The following LRP1B variants were observed in gnomAD, a reference collection of about 807,000 sequenced individuals.
LRP1B encodes the protein low-density lipoprotein receptor-related protein 1B.
LRP1B carries 217 observed loss-of-function variants against 556.6 expected under a neutral mutation model. That is an observed-to-expected ratio of 0.39 (90% CI 0.35 to 0.44). The LOEUF is 0.44. LRP1B is among the 20% of genes least tolerant of loss of function. The probability of loss-of-function intolerance (pLI) is 1.00; values close to 1 mark genes in which losing one functional copy is unlikely to be tolerated. For missense variants in LRP1B, 5,053 were observed against 5,620.8 expected (o/e 0.90, Z 3.23); for synonymous variants, 2,047 against 1,865.8 (o/e 1.10, Z -2.50).
chr2:141,469,686 T>C (rs1243711738), intron 3 of LRP1B, among the ~76,000 whole-genome samples: 1 of 152,220 alleles, frequency 6.6e-6, no homozygotes, highest in Non-Finnish European at 1.5e-5. Context: ...AAATCTCTTA[T>C]GAGCTTTCTC....
chr2:140,367,115 T>A (rs1682796972), intron 71 of LRP1B, among the ~76,000 whole-genome samples: 1 of 151,642 alleles, frequency 6.6e-6, no homozygotes, highest in African/African-American at 2.4e-5. Flanking sequence ...GGTGGCCAGA[T>A]GTTGAAAAAT....
At chr2:140,357,940 G>A (rs368212138) in intron 74 of LRP1B, 39 bp downstream of exon 74, 152 of 1,586,616 alleles carry the variant, frequency 9.6e-5, no homozygotes, top group Non-Finnish European at 2.1e-5. Flanking sequence ...AGTTAGACTT[G>A]TGTATCCCGG....
chr2:142,089,834 T>C (rs1322171566), intron 1 of LRP1B, among the ~76,000 whole-genome samples: 1 of 152,164 alleles, frequency 6.6e-6, no homozygotes, highest in Non-Finnish European at 1.5e-5. Context: ...TCATAACATG[T>C]TTAAGAATAT....
chr2:141,384,832 T>C (rs948769364), intron 3 of LRP1B, among the ~76,000 whole-genome samples: 3 of 152,204 alleles, frequency 2.0e-5, no homozygotes, highest in Non-Finnish European at 4.4e-5. Context: ...GCTATGTATC[T>C]TATTGAATGA....
At chr2:141,508,083 C>CA (rs1553523427) in intron 2 of LRP1B, among the ~76,000 whole-genome samples, 2 of 6,704 alleles carry the variant, frequency 3.0e-4, no homozygotes, top group Non-Finnish European at 0.015. Context: ...GAGACTCCAT[C>CA]CCCCCCCCAA....
At chr2:140,595,102 A>ATATATATATATATATCTATATC (rs1682383908) in intron 43 of LRP1B, among the ~76,000 whole-genome samples, 1 of 56,276 alleles carries the variant, frequency 1.8e-5, no homozygotes, top group African/African-American at 7.8e-5. Flanking sequence ...ATATATATAT[A>ATATATATATATATATCTATATC]TATATATATA....
intron 60 of LRP1B, among the ~76,000 whole-genome samples, chr2:140,457,882 T>C (rs1009601362): frequency 1.3e-5 from 2 of 152,014 alleles, no homozygotes; most frequent in Non-Finnish European, 2.9e-5. Flanking sequence ...GAAAAAAAAA[T>C]GAATGTGATT....
chr2:141,887,965 G>A (rs1699176198), intron 1 of LRP1B, among the ~76,000 whole-genome samples: 1 of 152,172 alleles, frequency 6.6e-6, no homozygotes, highest in African/African-American at 2.4e-5. Flanking sequence ...AAAAACTAAA[G>A]ATGATTTCCC....
At position 140,498,967 on chromosome 2, in the gene LRP1B, C is replaced by T. The variant is rs142537455; in HGVS notation, c.8850+2720G>A. ...TAACTAGCTTTTACATGTTTACATA[C>T]TTAAAAACATCATAGCAATTCTGTC... is the stretch of plus-strand genomic sequence containing the variant. On this transcript the variant is annotated intron_variant, in intron 55 of 90. Coordinates refer to ENST00000389484, the MANE Select transcript of LRP1B (RefSeq NM_018557.3). Among the ~76,000 whole-genome samples, 300 of 151,968 alleles carry T rather than the reference C, an allele frequency of 2.0e-3. 2 individuals carry two copies. The highest frequency in any genetic ancestry group is 4.1e-3 in the Admixed American group (62 of 15,218).
At chr2:141,113,074 C>T (rs1700795156) in intron 7 of LRP1B, among the ~76,000 whole-genome samples, 2 of 152,114 alleles carry the variant, frequency 1.3e-5, no homozygotes, top group South Asian at 4.1e-4. Flanking sequence ...CAAACCTTCT[C>T]TCTATAAAGT....
chr2:141,356,787 T>C (rs935395617), intron 3 of LRP1B, among the ~76,000 whole-genome samples: 1 of 152,116 alleles, frequency 6.6e-6, no homozygotes, highest in Non-Finnish European at 1.5e-5. Context: ...GAATATTGCA[T>C]AGCCAAAGGT....
At chr2:140,752,948 C>G (rs1280919677) in intron 35 of LRP1B, among the ~76,000 whole-genome samples, 1 of 152,136 alleles carries the variant, frequency 6.6e-6, no homozygotes, top group Non-Finnish European at 1.5e-5. Flanking sequence ...TGTGTTTTGA[C>G]AAATGTATAA....
At chr2:140,617,761 T>C (rs1683308489) in intron 41 of LRP1B, among the ~76,000 whole-genome samples, 1 of 151,978 alleles carries the variant, frequency 6.6e-6, no homozygotes, top group Admixed American at 6.6e-5. Context: ...AAAAAGTAAG[T>C]TCTATTTTGA....
intron 1 of LRP1B, among the ~76,000 whole-genome samples, chr2:142,050,613 G>C (rs950493323): frequency 6.6e-6 from 1 of 152,030 alleles, no homozygotes; most frequent in African/African-American, 2.4e-5. Flanking sequence ...TTACCTTAAA[G>C]AGAATATTTA....
chr2:141,797,705 A>AC (rs1489444611), intron 2 of LRP1B, among the ~76,000 whole-genome samples: 9 of 152,230 alleles, frequency 5.9e-5, no homozygotes, highest in African/African-American at 1.9e-4. Flanking sequence ...GTTCTGAAAA[A>AC]ATTTTGTTGT....
intron 20 of LRP1B, among the ~76,000 whole-genome samples, chr2:140,947,644 A>C (rs1695583535): frequency 6.6e-6 from 1 of 152,226 alleles, no homozygotes. Flanking sequence ...TATACAATCA[A>C]AAGAATAATG....
At chr2:140,492,587 G>A (rs1181448562) in intron 57 of LRP1B, 21 bp downstream of exon 57, 2 of 1,562,508 alleles carry the variant, frequency 1.3e-6, no homozygotes, top group Non-Finnish European at 1.8e-6. Flanking sequence ...ATGTTACGGT[G>A]TCATCTTGGG....
chr2:141,922,393 C>T (rs1208296397), intron 1 of LRP1B, among the ~76,000 whole-genome samples: 1 of 152,110 alleles, frequency 6.6e-6, no homozygotes, highest in Non-Finnish European at 1.5e-5. Context: ...TTGCTTTAGC[C>T]TCCTGGCAAA....
At chr2:141,262,540 T>C (rs1684734601) in intron 3 of LRP1B, among the ~76,000 whole-genome samples, 2 of 152,210 alleles carry the variant, frequency 1.3e-5, no homozygotes, top group South Asian at 4.1e-4. Context: ...ATACTTCTTC[T>C]AGAAATTTTA....
Sources: allele counts gnomAD v4.1 joint callset (sites outside exome capture counted in the v4.1 genomes callset), GRCh38; gene constraint gnomAD v4.1.1; transcripts MANE v1.5; gene names NCBI Gene and HGNC (gene_info 2026-07-23, HGNC 2026-07-21).